TERT: variants seen among roughly 807,000 people sequenced by gnomAD.
The protein encoded by TERT is telomerase reverse transcriptase, also known as telomerase catalytic subunit.
A neutral mutation model predicts 104.0 loss-of-function variants in TERT; 42 were observed. The observed-to-expected ratio is 0.40, with a 90% confidence interval of 0.32 to 0.52. TERT has a LOEUF of 0.52. TERT is among the 20% of genes least tolerant of loss of function. The pLI is 0.43. For synonymous variants in TERT, 781 were observed against 725.6 expected (o/e 1.08, Z -1.23); for missense variants, 1,101 against 1,610.3 (o/e 0.68, Z 5.41).
At chr5:1,259,453 C>T (rs1216752506) in intron 12 of TERT, among the ~76,000 whole-genome samples, 47 of 107,822 alleles carry the variant, frequency 4.4e-4, no homozygotes, top group Middle Eastern at 0.011. Context: ...AGGGAGCGGA[C>T]GCAGATGCCC....
intron 2 of TERT, among the ~76,000 whole-genome samples, chr5:1,289,713 C>A (rs1443483113): frequency 9.1e-6 from 1 of 110,122 alleles, no homozygotes; most frequent in Non-Finnish European, 1.8e-5. Context: ...CACCCGGGGA[C>A]GGCGCCTCAC....
chr5:1,281,154 T>C (rs1749996773), intron 3 of TERT, among the ~76,000 whole-genome samples: 1 of 152,238 alleles, frequency 6.6e-6, no homozygotes, highest in African/African-American at 2.4e-5. Context: ...ATTAAATTCT[T>C]TCCAAAATAC....
At position 1,287,758 on chromosome 5, in the gene TERT, G is replaced by A. The variant is rs1054262344; in HGVS notation, c.1574-5134C>T. 6.6e-6 allele frequency among the ~76,000 whole-genome samples: 1 copy of A among 151,998 alleles called. No homozygotes were observed. The highest frequency in any genetic ancestry group is 1.5e-5 in the Non-Finnish European group (1 of 68,018). Reference sequence around the variant, plus strand: ...ATGAACAGACCCATCCCCCAGGTGAGGGACTATGGCCTCCTTCTTGGAATT... The same window carrying A: ...ATGAACAGACCCATCCCCCAGGTGAAGGACTATGGCCTCCTTCTTGGAATT... On this transcript the variant is annotated intron_variant, in intron 2 of 15. Coordinates refer to ENST00000310581, the MANE Select transcript of TERT (RefSeq NM_198253.3). The surrounding 1 kb of genome is among the most constrained non-coding windows in gnomAD (Gnocchi z 4.3).
In TERT at chr5:1,294,870, C is replaced by G. The variant is rs1751294429; in HGVS notation, c.120G>C (p.Gln40His). ...CGCGGAAAGCCGCCGGGTCCCCGCGCTGCACCAGCCGCCAGCCCTGGGGCC... is the reference window on the plus strand; with the variant it reads ...CGCGGAAAGCCGCCGGGTCCCCGCGGTGCACCAGCCGCCAGCCCTGGGGCC... Reference protein sequence around the residue: ...RLGPQGWRLVQRGDPAAFRAL... With the variant: ...RLGPQGWRLVHRGDPAAFRAL... Residue 40 changes from glutamine to histidine, a missense_variant, in exon 1 of 16, where the codon CAG becomes CAC. Physicochemically the swap from Gln to His is conservative, Grantham distance 24. This residue lies in a region of TERT where 87 missense variants were observed against 145.4 expected (regional missense o/e 0.60). Coordinates refer to ENST00000310581, the MANE Select transcript of TERT (RefSeq NM_198253.3). The G allele has an allele frequency of 1.4e-6, 2 of 1,449,788 alleles. No homozygotes were observed. Among genetic ancestry groups the G allele is most frequent in the Non-Finnish European group, 1.8e-6 (2 of 1,108,220 alleles). 89.8% of individuals were successfully genotyped at this position (1,449,788 alleles called of 1,614,324 possible).
Position 1,294,019 on chromosome 5 carries a change from G to C in TERT, c.867C>G (p.Leu289=), listed in dbSNP as rs771194908. The change falls in exon 2 of 16, where the codon CTC becomes CTG. Residue 289 remains leucine, a synonymous_variant. Transcript: ENST00000310581. ...AEEATSLEGA[L]SGTRHSHPSV... is the part of the protein sequence containing the mutation. ...ATGGGTGGGAGTGGCGCGTGCCAGA[G>C]AGCGCACCCTCCAAAGAGGTGGCTT... is the stretch of plus-strand genomic sequence containing the variant. The C allele has an allele frequency of 5.0e-6, 8 of 1,593,386 alleles. No homozygotes were observed. The highest frequency in any genetic ancestry group is 6.8e-6 in the Non-Finnish European group (8 of 1,172,250).
chr5:1,274,128 G>A lies in TERT; in HGVS notation c.2287-1848C>T, dbSNP rs531202862. Among the ~76,000 whole-genome samples the A allele has an allele frequency of 3.9e-5, 6 of 152,342 alleles. No homozygotes were observed. The highest frequency in any genetic ancestry group is 2.1e-4 in the South Asian group (1 of 4,828). ...TCGAGCTTGTGAGGCATCAAAAGAC[G>A]CGCACGGTGACTCTGTGCTTCAGCA... On this transcript the variant is annotated intron_variant, in intron 6 of 15. Transcript: ENST00000310581. The surrounding 1 kb of genome is among the most constrained non-coding windows in gnomAD (Gnocchi z 5.3).
At position 1,288,177 on chromosome 5, in the gene TERT, G is replaced by C. The variant is rs1380096895; in HGVS notation, c.1573+5136C>G. 6.6e-6 allele frequency among the ~76,000 whole-genome samples: 1 copy of C among 152,060 alleles called. No individual in the cohort carries two copies. The highest frequency in any genetic ancestry group is 1.9e-4 in the East Asian group (1 of 5,168). On this transcript the variant is annotated intron_variant, in intron 2 of 15. Transcript: ENST00000310581. This position sits in a 1 kb window ranked among gnomAD's most constrained non-coding sequence, Gnocchi z 5.3. ...CACAAAGAAAAAAATCACAGAATAA[G>C]AATACTTAAAAGAAGTATTAACACT... is the stretch of plus-strand genomic sequence containing the variant.
Position 1,274,562 on chromosome 5 carries a change from G to A in TERT, c.2287-2282C>T, listed in dbSNP as rs1749407791. On this transcript the variant is annotated intron_variant, in intron 6 of 15. Transcript: ENST00000310581. This position sits in a 1 kb window ranked among gnomAD's most constrained non-coding sequence, Gnocchi z 5.3. ...TCATCAGGCATTAGATTCCCATAAG[G>A]AGCACAGAATCTAGACCCCTCTCAC... is the stretch of plus-strand genomic sequence containing the variant. Among the ~76,000 whole-genome samples, 2 of 152,186 alleles carry A rather than the reference G, an allele frequency of 1.3e-5. No homozygotes were observed. Among genetic ancestry groups the A allele is most frequent in the African/African-American group, 4.8e-5 (2 of 41,438 alleles).
chr5:1,275,001 G>A lies in TERT; in HGVS notation c.2287-2721C>T, dbSNP rs150681911. Among the ~76,000 whole-genome samples the A allele has an allele frequency of 8.1e-3, 1,241 of 152,290 alleles. 12 individuals carry two copies. The highest frequency in any genetic ancestry group is 0.028 in the African/African-American group (1,151 of 41,550). The stretch of plus-strand genomic sequence containing the variant: ...GTCATGAAATGGAAAGACCCCTAGC[G>A]AGACCTGGAGAAGGAAAACGGAGGT... On this transcript the variant is annotated intron_variant, in intron 6 of 15. Coordinates refer to ENST00000310581, the MANE Select transcript of TERT (RefSeq NM_198253.3).
Position 1,288,162 on chromosome 5 carries a change from A to G in TERT, c.1573+5151T>C, listed in dbSNP as rs971528243. On this transcript the variant is annotated intron_variant, in intron 2 of 15. Transcript: ENST00000310581. This position sits in a 1 kb window ranked among gnomAD's most constrained non-coding sequence, Gnocchi z 5.3. Reference sequence around the variant, plus strand: ...TCAAAACACAGCGTGCACAAAGAAAAAAATCACAGAATAAGAATACTTAAA... The same window carrying G: ...TCAAAACACAGCGTGCACAAAGAAAGAAATCACAGAATAAGAATACTTAAA... Among the ~76,000 whole-genome samples, 8 of 152,170 alleles carry G rather than the reference A, an allele frequency of 5.3e-5. No homozygotes were observed. The highest frequency in any genetic ancestry group is 1.0e-4 in the Non-Finnish European group (7 of 68,042).
chr5:1,253,972 C>T (rs1002651294), intron 15 of TERT, 141 bp from the exon 16 acceptor site: 1 of 926,722 alleles, frequency 1.1e-6, no homozygotes, highest in East Asian at 2.6e-5. Context: ...AAGGGACAGA[C>T]ACCCCTCCAC....
Position 1,293,458 on chromosome 5 carries a change from G to A in TERT, c.1428C>T (p.Gly476=). 1 of 1,610,032 alleles carries A rather than the reference G, an allele frequency of 6.2e-7. No individual in the cohort carries two copies. Among genetic ancestry groups the A allele is most frequent in the Non-Finnish European group, 8.5e-7 (1 of 1,178,904 alleles). Residue 476 remains glycine (G), a synonymous_variant, in exon 2 of 16, where the codon GGC becomes GGT. Coordinates refer to ENST00000310581, the MANE Select transcript of TERT (RefSeq NM_198253.3). The stretch of plus-strand genomic sequence containing the variant: ...GTTCGTTGTGCCTGGAGCCCCAGAG[G>A]CCTGGGGGCACCAGCCGGCGCAGGC... ...RACLRRLVPP[G]LWGSRHNERR... is the part of the protein sequence containing the mutation.
chr5:1,258,261 C>A (rs2126572104), intron 13 of TERT, among the ~76,000 whole-genome samples: 1 of 152,366 alleles, frequency 6.6e-6, no homozygotes, highest in African/African-American at 2.4e-5. Flanking sequence ...GTTCAGACAC[C>A]TTCCCAGCCT....
rs1227433933 is a variant in TERT, at chr5:1,288,228, A to G, written c.1573+5085T>C. Reference sequence around the variant, plus strand: ...TTGAAGTATTTTAAGAACACTTGAAAGTGGCTGATGTTGAGATTACTTCAC... The same window carrying G: ...TTGAAGTATTTTAAGAACACTTGAAGGTGGCTGATGTTGAGATTACTTCAC... On this transcript the variant is annotated intron_variant, in intron 2 of 15. Transcript: ENST00000310581. The surrounding 1 kb of genome is among the most constrained non-coding windows in gnomAD (Gnocchi z 5.3). 6.6e-6 allele frequency among the ~76,000 whole-genome samples: 1 copy of G among 152,094 alleles called. No homozygotes were observed. Among genetic ancestry groups the G allele is most frequent in the Non-Finnish European group, 1.5e-5 (1 of 68,032 alleles).
chr5:1,281,412 G>A (rs544218977), intron 3 of TERT, among the ~76,000 whole-genome samples: 3 of 152,326 alleles, frequency 2.0e-5, no homozygotes, highest in Admixed American at 6.5e-5. Context: ...CCAGGGACTC[G>A]AGTGTGCAGG....
At chr5:1,273,026 C>T (rs200951440) in intron 6 of TERT, among the ~76,000 whole-genome samples, 3 of 62,386 alleles carry the variant, frequency 4.8e-5, no homozygotes, top group East Asian at 4.6e-3. Flanking sequence ...ACCCCACGAC[C>T]GCCATCCACA....
In TERT at chr5:1,293,608, A is replaced by C. The variant is rs1326706015; in HGVS notation, c.1278T>G (p.Cys426Trp). Residue 426 changes from cysteine to tryptophan, a missense_variant, in exon 2 of 16, where the codon TGT becomes TGG. Coordinates refer to ENST00000310581, the MANE Select transcript of TERT (RefSeq NM_198253.3). ...CAGAGCCCTGGGGCTTCTCCCGGGCACAGACACCGGCTGCTGGGGTGACCG... is the reference window on the plus strand; with the variant it reads ...CAGAGCCCTGGGGCTTCTCCCGGGCCCAGACACCGGCTGCTGGGGTGACCG... ...RAAVTPAAGV[C>W]AREKPQGSVA... is the part of the protein sequence containing the mutation. 6.5e-7 allele frequency: 1 copy of C among 1,549,264 alleles called. No homozygotes were observed. The highest frequency in any genetic ancestry group is 8.7e-7 in the Non-Finnish European group (1 of 1,145,766).
Position 1,270,932 on chromosome 5 carries a change from C to T in TERT, c.2468+187G>A, listed in dbSNP as rs1334896973. ...CCTGCTCCGCTCCGGCTGCCGCAAGCCGAGCCATGTTTCCGGGGCCTCGGG... is the reference window on the plus strand; with the variant it reads ...CCTGCTCCGCTCCGGCTGCCGCAAGTCGAGCCATGTTTCCGGGGCCTCGGG... On this transcript the variant is annotated intron_variant, in intron 8 of 15. Coordinates refer to ENST00000310581, the MANE Select transcript of TERT (RefSeq NM_198253.3). This position sits in a 1 kb window ranked among gnomAD's most constrained non-coding sequence, Gnocchi z 8.3. Among the ~76,000 whole-genome samples the T allele has an allele frequency of 2.0e-5, 3 of 152,244 alleles. No individual in the cohort carries two copies. The highest frequency in any genetic ancestry group is 2.0e-4 in the Admixed American group (3 of 15,290).
At position 1,274,689 on chromosome 5, in the gene TERT, C is replaced by T. The variant is rs988248906; in HGVS notation, c.2287-2409G>A. Among the ~76,000 whole-genome samples, 11 of 152,240 alleles carry T rather than the reference C, an allele frequency of 7.2e-5. No homozygotes were observed. Among genetic ancestry groups the T allele is most frequent in the African/African-American group, 2.7e-4 (11 of 41,458 alleles). ...GGGAACGCTGGCTCCCCACACCCCA[C>T]CTAGCCTCCCGCTGTGCGCCGGGTT... On this transcript the variant is annotated intron_variant, in intron 6 of 15. Transcript: ENST00000310581. The surrounding 1 kb of genome is among the most constrained non-coding windows in gnomAD (Gnocchi z 5.3).
Sources: allele counts gnomAD v4.1 joint callset (sites outside exome capture counted in the v4.1 genomes callset), GRCh38; gene constraint gnomAD v4.1.1; regional missense constraint gnomAD v4.1.1; non-coding constraint Gnocchi (gnomAD v3.1); transcripts MANE v1.5; gene names NCBI Gene and HGNC (gene_info 2026-07-23, HGNC 2026-07-21).